Variants in EXOC6 observed in about 807,000 individuals in gnomAD.
EXOC6 encodes exocyst complex component 6, also known as SEC15-like 1.
In EXOC6, 60 loss-of-function variants were observed where a neutral mutation model predicts 112.5. That is an observed-to-expected ratio of 0.53 (90% CI 0.43 to 0.66). The LOEUF (loss-of-function observed/expected upper bound fraction) is 0.66. Among genes scored for constraint, EXOC6 ranks in the 30% least tolerant of loss-of-function variants. The pLI, the probability that EXOC6 is intolerant of heterozygous loss-of-function variation, is 0.00. For synonymous variants in EXOC6, 295 were observed against 308.0 expected, an observed-to-expected ratio of 0.96 and a Z score of 0.44; for missense variants, 855 against 957.1, an observed-to-expected ratio of 0.89 and a Z score of 1.41.
At chr10:92,889,486 C>G (rs1052659126) in intron 1 of EXOC6, among the ~76,000 whole-genome samples, 2 of 152,170 alleles carry the variant, frequency 1.3e-5, no homozygotes, top group Non-Finnish European at 2.9e-5. Flanking sequence ...CATTATCATT[C>G]AAGGTCTAGT....
At chr10:92,989,804 G>A (rs955069332) in intron 18 of EXOC6, among the ~76,000 whole-genome samples, 1 of 152,210 alleles carries the variant, frequency 6.6e-6, no homozygotes, top group Non-Finnish European at 1.5e-5. Context: ...TAAGGAGGCA[G>A]GGACAGATAA....
chr10:92,896,177 ATATATTTTTTTT>A (rs1849803383), intron 4 of EXOC6, among the ~76,000 whole-genome samples: 2 of 16,164 alleles, frequency 1.2e-4, no homozygotes, highest in African/African-American at 3.0e-4. Context: ...ATATATATAT[ATATATTTTTTTT>A]TTTTTTTTTT....
chr10:92,856,805 G>C (rs1031765220), intron 1 of EXOC6, among the ~76,000 whole-genome samples: 1 of 152,114 alleles, frequency 6.6e-6, no homozygotes. Context: ...GTCTTTTCAG[G>C]CTCTGTTGTT....
intron 1 of EXOC6, among the ~76,000 whole-genome samples, chr10:92,867,097 C>T (rs761078734): frequency 6.6e-6 from 1 of 152,020 alleles, no homozygotes; most frequent in Non-Finnish European, 1.5e-5. Flanking sequence ...ACTTCACTCA[C>T]AGGTCAAGAG....
chr10:93,019,224 C>G (rs1280904398), intron 20 of EXOC6, among the ~76,000 whole-genome samples: 4 of 152,158 alleles, frequency 2.6e-5, no homozygotes. Context: ...AAGCAATCCA[C>G]CCGCCTCGGC....
At chr10:92,996,461 C>T (rs762837332) in intron 18 of EXOC6, among the ~76,000 whole-genome samples, 1 of 152,006 alleles carries the variant, frequency 6.6e-6, no homozygotes, top group African/African-American at 2.4e-5. Flanking sequence ...ACTGAAAACA[C>T]AAAAAATTAG....
At chr10:93,026,373 C>T (rs1845024564) in intron 20 of EXOC6, among the ~76,000 whole-genome samples, 1 of 152,172 alleles carries the variant, frequency 6.6e-6, no homozygotes, top group African/African-American at 2.4e-5. Context: ...TCTAGCTGTT[C>T]TGCATCCCTG....
intron 18 of EXOC6, among the ~76,000 whole-genome samples, chr10:92,981,506 A>G (rs1842824294): frequency 6.6e-6 from 1 of 152,220 alleles, no homozygotes; most frequent in Non-Finnish European, 1.5e-5. Flanking sequence ...AAGGTACCCA[A>G]TTTATGCAAA....
intron 11 of EXOC6, among the ~76,000 whole-genome samples, chr10:92,934,799 C>A (rs1249003147): frequency 6.6e-6 from 1 of 151,978 alleles, no homozygotes; most frequent in East Asian, 1.9e-4. Context: ...AGAACTTGTT[C>A]TTCAATGTTT....
chr10:92,872,599 T>C (rs1848505984), intron 1 of EXOC6, among the ~76,000 whole-genome samples: 1 of 152,100 alleles, frequency 6.6e-6, no homozygotes, highest in Non-Finnish European at 1.5e-5. Context: ...TTTTATTAAC[T>C]TGTTTCTCTT....
At chr10:93,038,876 A>C (rs1421039761) in intron 20 of EXOC6, among the ~76,000 whole-genome samples, 1 of 152,256 alleles carries the variant, frequency 6.6e-6, no homozygotes, top group Non-Finnish European at 1.5e-5. Context: ...GTATATGTAC[A>C]CACTCCGCAC....
intron 1 of EXOC6, among the ~76,000 whole-genome samples, chr10:92,827,180 A>T (rs1278289649): frequency 6.6e-6 from 1 of 151,762 alleles, no homozygotes; most frequent in Admixed American, 6.6e-5. Context: ...ATTTTTTTTT[A>T]AATATTAAAC....
upstream of EXOC6, among the ~76,000 whole-genome samples, chr10:92,846,750 C>G (rs781345274): frequency 1.3e-5 from 2 of 152,154 alleles, no homozygotes; most frequent in African/African-American, 2.4e-5. Flanking sequence ...CACTGATGCT[C>G]ACATTCTAAT....
At chr10:92,988,464 T>A (rs1386916533) in intron 18 of EXOC6, among the ~76,000 whole-genome samples, 2 of 152,216 alleles carry the variant, frequency 1.3e-5, no homozygotes, top group Non-Finnish European at 2.9e-5. Flanking sequence ...TTTTGATTAA[T>A]GTAATTGTCT....
intron 5 of EXOC6, among the ~76,000 whole-genome samples, chr10:92,903,610 CTGTT>C (rs1850293996): frequency 1.3e-5 from 2 of 151,778 alleles, no homozygotes; most frequent in South Asian, 4.1e-4. Flanking sequence ...TGTGAAGTGT[CTGTT>C]CACATCTTTT....
chr10:92,853,332 A>G (rs1444511955), intron 1 of EXOC6, among the ~76,000 whole-genome samples: 2 of 152,230 alleles, frequency 1.3e-5, no homozygotes, highest in Non-Finnish European at 2.9e-5. Context: ...AACTTAGTCT[A>G]GATATTCAAG....
chr10:92,909,253 A>G (rs935145105), intron 5 of EXOC6, among the ~76,000 whole-genome samples, 174 bp from the exon 6 acceptor site: 1 of 152,156 alleles, frequency 6.6e-6, no homozygotes, highest in Non-Finnish European at 1.5e-5. Context: ...TGGCTTGTTT[A>G]TGTGGTTTAT....
intron 1 of EXOC6, among the ~76,000 whole-genome samples, chr10:92,828,871 ATTC>A (rs1398551285): frequency 1.3e-5 from 2 of 152,114 alleles, no homozygotes; most frequent in Middle Eastern, 3.4e-3. Flanking sequence ...TTCATCTGGT[ATTC>A]TTCTACTGAT....
intron 13 of EXOC6, among the ~76,000 whole-genome samples, chr10:92,942,389 T>C (rs1272485164): frequency 6.6e-6 from 1 of 152,140 alleles, no homozygotes; most frequent in African/African-American, 2.4e-5. Flanking sequence ...GGCAAGACTG[T>C]GCTCTTAAAA....
Sources: gnomAD v4.1 joint callset for allele counts (sites outside exome capture counted in the v4.1 genomes callset) on GRCh38, gnomAD v4.1.1 for gene constraint, MANE v1.5 for transcripts, NCBI Gene and HGNC (gene_info 2026-07-23, HGNC 2026-07-21) for gene names.